Variants in QTGAL observed in about 807,000 individuals in gnomAD.
QTGAL encodes the protein BGnT-like protein 1.
At chr17:82,971,126 G>T in the QTGAL span, among the ~76,000 whole-genome samples, 1 of 152,170 alleles carries the variant, frequency 6.6e-6, no homozygotes, top group African/African-American at 2.4e-5. Context: ...CACGCTGGGG[G>T]TCAAATTTCA....
chr17:82,976,339 C>G, the QTGAL span, among the ~76,000 whole-genome samples: 2 of 74,004 alleles, frequency 2.7e-5, 1 homozygote, highest in Non-Finnish European at 4.9e-5. Context: ...ACGAGGGCCC[C>G]GGGACAGAGC....
the QTGAL span, among the ~76,000 whole-genome samples, chr17:83,017,579 G>A: frequency 1.3e-5 from 2 of 152,116 alleles, no homozygotes; most frequent in Non-Finnish European, 2.9e-5. Context: ...CTGAGATCAC[G>A]CCACTGCACT....
the QTGAL span, chr17:82,946,872 G>A: frequency 1.3e-6 from 2 of 1,546,674 alleles, no homozygotes; most frequent in Admixed American, 3.9e-5. Context: ...TCGGTGAAAA[G>A]ACCCACCTGG....
the QTGAL span, among the ~76,000 whole-genome samples, chr17:83,018,389 C>A: frequency 6.6e-6 from 1 of 152,256 alleles, no homozygotes; most frequent in Non-Finnish European, 1.5e-5. Flanking sequence ...CTAAAAACTT[C>A]AAAAATATAT....
the QTGAL span, chr17:82,942,225 T>A: frequency 1.7e-6 from 1 of 599,786 alleles, no homozygotes; most frequent in Non-Finnish European, 2.9e-6. Context: ...GCAGTGAACC[T>A]CCCTTCCCGC....
the QTGAL span, among the ~76,000 whole-genome samples, chr17:83,047,596 TC>T: frequency 2.2e-5 from 3 of 136,070 alleles, no homozygotes; most frequent in Non-Finnish European, 4.8e-5. Context: ...AGGTCTATAA[TC>T]AATCCTTATC....
At chr17:83,000,792 C>G in the QTGAL span, among the ~76,000 whole-genome samples, 1 of 152,228 alleles carries the variant, frequency 6.6e-6, no homozygotes, top group Non-Finnish European at 1.5e-5. Context: ...GTTCGAGGGT[C>G]ACCACTGCTG....
the QTGAL span, among the ~76,000 whole-genome samples, chr17:82,972,284 CAGAAGGACCTGGTACT>C: frequency 9.6e-6 from 1 of 104,604 alleles, no homozygotes; most frequent in African/African-American, 3.9e-5. Flanking sequence ...CCACAGGGGC[CAGAAGGACCTGGTACT>C]GACCACACCA....
At chr17:82,985,187 T>TA in the QTGAL span, among the ~76,000 whole-genome samples, 1 of 152,244 alleles carries the variant, frequency 6.6e-6, no homozygotes, top group Non-Finnish European at 1.5e-5. Context: ...GTGTTAATTT[T>TA]ACACAGCTCT....
At chr17:82,985,317 T>C in the QTGAL span, among the ~76,000 whole-genome samples, 1 of 152,172 alleles carries the variant, frequency 6.6e-6, no homozygotes, top group Non-Finnish European at 1.5e-5. Context: ...AACATAAAAC[T>C]TGACTTGGTG....
At chr17:83,024,607 C>T in the QTGAL span, among the ~76,000 whole-genome samples, 2 of 152,356 alleles carry the variant, frequency 1.3e-5, no homozygotes, top group South Asian at 4.1e-4. Context: ...GGGCCCCAAC[C>T]CCACCAGGAG....
chr17:82,951,737 T>C, the QTGAL span, among the ~76,000 whole-genome samples: 1 of 135,224 alleles, frequency 7.4e-6, no homozygotes, highest in Admixed American at 8.2e-5. Flanking sequence ...TAGAGTCCAC[T>C]GTGGGGTTAT....
chr17:82,951,894 T>C, the QTGAL span, among the ~76,000 whole-genome samples: 3 of 151,182 alleles, frequency 2.0e-5, no homozygotes, highest in Non-Finnish European at 1.5e-5. Context: ...CGCCCCGAGA[T>C]AGTAGTGACA....
chr17:83,002,022 A>C, the QTGAL span, among the ~76,000 whole-genome samples: 1 of 151,066 alleles, frequency 6.6e-6, no homozygotes, highest in Admixed American at 6.6e-5. Context: ...TCAGCCTCTC[A>C]AAGTGCTGGG....
chr17:83,039,399 G>A, the QTGAL span, among the ~76,000 whole-genome samples: 2 of 78,306 alleles, frequency 2.6e-5, no homozygotes, highest in African/African-American at 1.0e-4. Flanking sequence ...ACTGCTGGGC[G>A]CCCGCCGCCC....
At chr17:82,974,725 C>A in the QTGAL span, among the ~76,000 whole-genome samples, 3 of 152,198 alleles carry the variant, frequency 2.0e-5, no homozygotes, top group African/African-American at 7.2e-5. Context: ...ACATTCCCTT[C>A]CAGTCTGAAC....
the QTGAL span, chr17:82,960,432 G>A: frequency 6.6e-6 from 1 of 152,246 alleles, no homozygotes; most frequent in African/African-American, 2.4e-5. Context: ...CGGCAGGCAG[G>A]TGGCCGAGAC....
chr17:82,946,964 A>T, the QTGAL span: 1 of 1,567,280 alleles, frequency 6.4e-7, no homozygotes, highest in African/African-American at 1.4e-5. Flanking sequence ...GTTGTCCTCA[A>T]AGGCGCCCCC....
chr17:82,962,501 G>A, the QTGAL span, among the ~76,000 whole-genome samples: 132 of 144,226 alleles, frequency 9.2e-4, no homozygotes, highest in Non-Finnish European at 1.3e-3. Context: ...ACCCTCACAC[G>A]GGTGATTTAG....
Sources: allele counts gnomAD v4.1 joint callset (sites outside exome capture counted in the v4.1 genomes callset), GRCh38; gene constraint gnomAD v4.1.1; transcripts MANE v1.5; gene names NCBI Gene and HGNC (gene_info 2026-07-23, HGNC 2026-07-21).